ARHGDIB: variants seen among roughly 807,000 people sequenced by gnomAD.
ARHGDIB encodes rho GDP-dissociation inhibitor 2.
Under a neutral mutation model 22.6 loss-of-function variants are expected in ARHGDIB, and 20 were observed. The observed-to-expected ratio is 0.88, with a 90% CI of 0.62 to 1.28. The LOEUF (loss-of-function observed/expected upper bound fraction) is 1.28, where lower values mean the gene tolerates loss of function less well. Ranked by LOEUF, ARHGDIB falls within the 50% of genes most tolerant of loss-of-function variation. The pLI, the probability that ARHGDIB is intolerant of heterozygous loss-of-function variation, is 0.00. For synonymous variants in ARHGDIB, 114 were observed against 96.1 expected (o/e 1.19, Z -1.09); for missense variants, 254 against 245.4 (o/e 1.04, Z -0.23).
chr12:14,958,268 C>T (rs1864341536), intron 1 of ARHGDIB, among the ~76,000 whole-genome samples: 1 of 152,162 alleles, frequency 6.6e-6, no homozygotes, highest in Non-Finnish European at 1.5e-5. Flanking sequence ...ATCCATACTC[C>T]CCACTTTGCG....
At chr12:14,945,511 G>A (rs1286270309) in intron 4 of ARHGDIB, among the ~76,000 whole-genome samples, 1 of 152,218 alleles carries the variant, frequency 6.6e-6, no homozygotes, top group Admixed American at 6.5e-5. Context: ...CAAGAACTTT[G>A]TTTTTCCATG....
chr12:14,952,879 A>G (rs1381849157), intron 1 of ARHGDIB, among the ~76,000 whole-genome samples: 3 of 152,220 alleles, frequency 2.0e-5, no homozygotes, highest in South Asian at 2.1e-4. Context: ...AGATGGTAAC[A>G]TTACATCCAG....
chr12:14,951,901 G>A (rs1565463183), intron 1 of ARHGDIB, among the ~76,000 whole-genome samples: 1 of 152,004 alleles, frequency 6.6e-6, no homozygotes, highest in Non-Finnish European at 1.5e-5. Flanking sequence ...CTGGATGAGA[G>A]GCAGTATACT....
intron 4 of ARHGDIB, among the ~76,000 whole-genome samples, chr12:14,945,466 A>G (rs143533380): frequency 6.6e-6 from 1 of 152,236 alleles, no homozygotes; most frequent in Non-Finnish European, 1.5e-5. Context: ...CTTTCAAAGA[A>G]AATTCAGTAA....
At chr12:14,953,592 CT>C (rs1864230102) in intron 1 of ARHGDIB, among the ~76,000 whole-genome samples, 1 of 151,422 alleles carries the variant, frequency 6.6e-6, no homozygotes, top group Non-Finnish European at 1.5e-5. Flanking sequence ...TTACAGGTCT[CT>C]TTTTTAAAAA....
chr12:14,960,513 TA>T (rs1864388087), intron 1 of ARHGDIB, among the ~76,000 whole-genome samples: 2 of 152,208 alleles, frequency 1.3e-5, no homozygotes. Context: ...TTAATATTTT[TA>T]TTTTTTGAGC....
chr12:14,950,894 T>C (rs1242205201), intron 1 of ARHGDIB, 170 bp from the exon 2 acceptor site: 7 of 552,242 alleles, frequency 1.3e-5, no homozygotes, highest in Non-Finnish European at 2.1e-5. Flanking sequence ...AATAATCTAA[T>C]GTATTCTAGT....
chr12:14,949,058 T>C (rs776790449), intron 3 of ARHGDIB, among the ~76,000 whole-genome samples: 2 of 152,202 alleles, frequency 1.3e-5, no homozygotes, highest in Non-Finnish European at 2.9e-5. Flanking sequence ...TTGTGCTTTG[T>C]CTGTCTCACA....
chr12:14,947,982 C>T, intron 3 of ARHGDIB, 33 bp from the exon 4 acceptor site: 1 of 1,554,362 alleles, frequency 6.4e-7, no homozygotes, highest in South Asian at 1.1e-5. Flanking sequence ...AGTTTATCCT[C>T]AAAAGCAGAT....
intron 5 of ARHGDIB, among the ~76,000 whole-genome samples, chr12:14,944,373 T>A (rs1863958973): frequency 2.0e-5 from 3 of 148,010 alleles, no homozygotes; most frequent in Admixed American, 2.0e-4. Context: ...CCACCCCAGA[T>A]ACACATGGCA....
intron 1 of ARHGDIB, among the ~76,000 whole-genome samples, chr12:14,955,501 G>A (rs1256072416): frequency 6.6e-6 from 1 of 152,122 alleles, no homozygotes; most frequent in East Asian, 1.9e-4. Context: ...TACATAGATA[G>A]TGAAAAGGTT....
intron 3 of ARHGDIB, 74 bp downstream of exon 3, chr12:14,949,728 A>C: frequency 2.9e-6 from 4 of 1,360,948 alleles, no homozygotes; most frequent in Non-Finnish European, 4.2e-6. Context: ...CTTCTGTTGG[A>C]ACAGGAGACA....
In ARHGDIB at chr12:14,954,542, T is replaced by G. The variant is rs1592294388; in HGVS notation, c.-12-3818A>C. 2.0e-5 allele frequency among the ~76,000 whole-genome samples: 3 copies of G among 152,304 alleles called. No homozygotes were observed. In the South Asian group the frequency reaches 6.2e-4, roughly 32 times the overall value. On this transcript the variant is annotated intron_variant, in intron 1 of 5. Coordinates refer to ENST00000228945, the MANE Select transcript of ARHGDIB (RefSeq NM_001175.7). ...TAGGCCTTGTTATGCATGCCTGGGT[T>G]TGGGTTCTGGCTTTCCTACTAACTA... is the stretch of plus-strand genomic sequence containing the variant.
intron 1 of ARHGDIB, among the ~76,000 whole-genome samples, chr12:14,960,313 T>C (rs1300153132): frequency 6.6e-6 from 1 of 152,180 alleles, no homozygotes; most frequent in Non-Finnish European, 1.5e-5. Flanking sequence ...GAAGAAAGTA[T>C]TTCAGGTCAT....
intron 1 of ARHGDIB, among the ~76,000 whole-genome samples, chr12:14,958,476 AT>A (rs1410791333): frequency 6.6e-6 from 1 of 152,170 alleles, no homozygotes; most frequent in African/African-American, 2.4e-5. Flanking sequence ...TTGCCTGTGC[AT>A]TTTTTAGTGT....
At chr12:14,951,756 T>G (rs1429888162) in intron 1 of ARHGDIB, among the ~76,000 whole-genome samples, 3 of 119,016 alleles carry the variant, frequency 2.5e-5, no homozygotes, top group African/African-American at 5.8e-5. Context: ...AATGACTGAA[T>G]AGTAGATTCA....
intron 1 of ARHGDIB, among the ~76,000 whole-genome samples, chr12:14,958,107 G>A (rs1864338623): frequency 6.6e-6 from 1 of 152,182 alleles, no homozygotes; most frequent in Non-Finnish European, 1.5e-5. Flanking sequence ...TGACATTTCA[G>A]AGCTAGTCAA....
At chr12:14,943,222 C>T (rs1863916954) in intron 5 of ARHGDIB, among the ~76,000 whole-genome samples, 2 of 152,054 alleles carry the variant, frequency 1.3e-5, no homozygotes, top group Admixed American at 1.3e-4. Flanking sequence ...AGTTGGAGTG[C>T]CTTTTAATAA....
At chr12:14,953,242 G>T (rs1050452283) in intron 1 of ARHGDIB, among the ~76,000 whole-genome samples, 1 of 152,128 alleles carries the variant, frequency 6.6e-6, no homozygotes, top group Non-Finnish European at 1.5e-5. Flanking sequence ...TCAAAAGGGG[G>T]AAATTCAGGG....
Sources: gnomAD v4.1 joint callset for allele counts (sites outside exome capture counted in the v4.1 genomes callset) on GRCh38, gnomAD v4.1.1 for gene constraint, MANE v1.5 for transcripts, NCBI Gene and HGNC (gene_info 2026-07-23, HGNC 2026-07-21) for gene names.